Variants in POLN observed in about 807,000 individuals in gnomAD.
The protein encoded by POLN is DNA polymerase nu.
POLN carries 108 observed loss-of-function variants against 113.5 expected under a neutral mutation model. The observed-to-expected ratio is 0.95, with a 90% CI of 0.81 to 1.12. The LOEUF is 1.12. POLN is among the 50% of genes most tolerant of loss of function. The pLI is 0.00. For synonymous variants in POLN, 386 were observed against 391.5 expected, an observed-to-expected ratio of 0.99 and a Z score of 0.17; for missense variants, 1,097 against 1,077.1, an observed-to-expected ratio of 1.02 and a Z score of -0.26.
At chr4:2,146,348 A>G (rs1333328571) in intron 16 of POLN, among the ~76,000 whole-genome samples, 4 of 40,370 alleles carry the variant, frequency 9.9e-5, no homozygotes, top group Non-Finnish European at 5.1e-4. Flanking sequence ...TCTACTAAAA[A>G]TACAAAAAAA....
In POLN at chr4:2,087,453, A is replaced by G. The variant is rs1730575441; in HGVS notation, c.2066-1709T>C. ...GGCTGGCCAGATGGGACTTTCTTTG[A>G]GTATCTTCTTAGACAAGTCTTTTCT... is the stretch of plus-strand genomic sequence containing the variant. On this transcript the variant is annotated intron_variant, in intron 20 of 25. Transcript: ENST00000511885. 2.0e-5 allele frequency among the ~76,000 whole-genome samples: 3 copies of G among 152,292 alleles called. No homozygotes were observed. In the South Asian group the frequency reaches 6.2e-4, roughly 32 times the overall value.
At position 2,072,005 on chromosome 4, in the gene POLN, C is replaced by T. The variant is rs1350370678; in HGVS notation, c.*109G>A. 7.7e-7 allele frequency: 1 copy of T among 1,290,978 alleles called. No individual in the cohort carries two copies. Among genetic ancestry groups the T allele is most frequent in the East Asian group, 2.3e-5 (1 of 43,284 alleles). 80.0% of individuals were successfully genotyped at this position (1,290,978 alleles called of 1,614,324 possible). A position where few individuals can be genotyped will look rare whatever the true frequency, so the allele number is the denominator to read the frequency against. On this transcript the variant is annotated 3_prime_UTR_variant, in exon 26 of 26. Coordinates refer to ENST00000511885, the MANE Select transcript of POLN (RefSeq NM_181808.4). The stretch of plus-strand genomic sequence containing the variant: ...TACTCCAGGGGATGGCGGGCCACCC[C>T]AGCCCCAAAGGGTTAATGCGTCCTG...
intron 2 of POLN, chr4:2,232,261 T>C (rs1734609132): frequency 1.8e-6 from 1 of 544,158 alleles, no homozygotes. Flanking sequence ...AAGGACTTAA[T>C]AACTTCCCGC....
At chr4:2,173,227 T>C (rs149556373) in intron 11 of POLN, among the ~76,000 whole-genome samples, 60 of 152,314 alleles carry the variant, frequency 3.9e-4, no homozygotes, top group Middle Eastern at 3.4e-3. Context: ...AACCAGGTGA[T>C]GGTTATATTG....
At chr4:2,232,852 A>G (rs1156995236) in intron 2 of POLN, among the ~76,000 whole-genome samples, 1 of 152,182 alleles carries the variant, frequency 6.6e-6, no homozygotes, top group Non-Finnish European at 1.5e-5. Context: ...AATTTTAGCC[A>G]GTATCACCAA....
intron 16 of POLN, chr4:2,139,580 C>T (rs902867376): frequency 6.6e-5 from 10 of 152,174 alleles, no homozygotes; most frequent in Non-Finnish European, 1.0e-4. Context: ...GAGGGGATGG[C>T]TCAGTTTACT....
chr4:2,182,130 CAGTGGTTGATTG>C (rs1408287548), intron 7 of POLN, among the ~76,000 whole-genome samples: 1 of 152,118 alleles, frequency 6.6e-6, no homozygotes, highest in Non-Finnish European at 1.5e-5. Context: ...ACCCATACAT[CAGTGGTTGATTG>C]ATTTTCAACA....
At chr4:2,173,639 T>A (rs1732920544) in intron 11 of POLN, among the ~76,000 whole-genome samples, 1 of 152,148 alleles carries the variant, frequency 6.6e-6, no homozygotes, top group Non-Finnish European at 1.5e-5. Context: ...CACATCTCTG[T>A]ATTTTTGTTT....
intron 19 of POLN, among the ~76,000 whole-genome samples, chr4:2,118,163 T>C (rs1008575831): frequency 6.6e-6 from 1 of 152,206 alleles, no homozygotes; most frequent in Non-Finnish European, 1.5e-5. Context: ...CACAAACTTT[T>C]ACCCTTTTTT....
chr4:2,103,250 A>ACAAAAC (rs1730970875), intron 19 of POLN, among the ~76,000 whole-genome samples: 1 of 152,124 alleles, frequency 6.6e-6, no homozygotes, highest in Non-Finnish European at 1.5e-5. Flanking sequence ...ATCTCTAGAA[A>ACAAAAC]CAAAACCAAA....
In POLN at chr4:2,127,397, C is replaced by T. The variant is rs1731610744; in HGVS notation, c.1982+716G>A. Among the ~76,000 whole-genome samples the T allele has an allele frequency of 6.6e-6, 1 of 152,174 alleles. No homozygotes were observed. The highest frequency in any genetic ancestry group is 1.5e-5 in the Non-Finnish European group (1 of 68,038). ...TTTCTGGAGTATAATCTCTCCACCT[C>T]CCTTGCAGCTGGTGCAGCTGCATGA... On this transcript the variant is annotated intron_variant, in intron 19 of 25. Transcript: ENST00000511885. The surrounding 1 kb of genome is among the most constrained non-coding windows in gnomAD (Gnocchi z 4.7).
chr4:2,134,443 T>C (rs1731802694), intron 16 of POLN, among the ~76,000 whole-genome samples: 1 of 152,240 alleles, frequency 6.6e-6, no homozygotes, highest in Non-Finnish European at 1.5e-5. Context: ...GAAAAGTGGC[T>C]GTACCATTTT....
intron 24 of POLN, among the ~76,000 whole-genome samples, chr4:2,073,912 C>T (rs1305627908): frequency 6.6e-6 from 1 of 152,238 alleles, no homozygotes; most frequent in Non-Finnish European, 1.5e-5. Context: ...CGGTCACCGT[C>T]TGCAGGGAGC....
chr4:2,237,451 G>C (rs1259970041), intron 2 of POLN, among the ~76,000 whole-genome samples: 1 of 151,544 alleles, frequency 6.6e-6, no homozygotes, highest in African/African-American at 2.4e-5. Flanking sequence ...GAAAGAAAGG[G>C]AAGGAAAGGA....
At chr4:2,085,528 C>G in intron 21 of POLN, 85 bp downstream of exon 21, 2 of 1,571,860 alleles carry the variant, frequency 1.3e-6, no homozygotes, top group East Asian at 2.2e-5. Flanking sequence ...CCAGGGCCCG[C>G]CTGCACACCA....
chr4:2,232,189 A>G (rs1560102521), intron 2 of POLN: 4 of 1,047,438 alleles, frequency 3.8e-6, no homozygotes, highest in Non-Finnish European at 5.5e-6. Context: ...AATAAAAATT[A>G]AAACACTTTA....
chr4:2,198,834 AAT>A, intron 5 of POLN, 117 bp from the exon 6 acceptor site: 3 of 1,025,222 alleles, frequency 2.9e-6, no homozygotes, highest in Non-Finnish European at 4.1e-6. Context: ...CTTGTAAATG[AAT>A]AGTTTTTTAA....
chr4:2,120,494 G>C (rs914117421), intron 19 of POLN, among the ~76,000 whole-genome samples: 17 of 151,946 alleles, frequency 1.1e-4, no homozygotes, highest in African/African-American at 4.1e-4. Context: ...ATTATCTATA[G>C]AGTGATTTTT....
chr4:2,098,521 T>C (rs1439595024), intron 19 of POLN, among the ~76,000 whole-genome samples: 1 of 152,238 alleles, frequency 6.6e-6, no homozygotes, highest in Non-Finnish European at 1.5e-5. Context: ...AAGTTTAGAT[T>C]GATGCCAGGT....
Sources: gnomAD v4.1 joint callset for allele counts (sites outside exome capture counted in the v4.1 genomes callset) on GRCh38, gnomAD v4.1.1 for gene constraint, Gnocchi (gnomAD v3.1) non-coding constraint, MANE v1.5 for transcripts, NCBI Gene and HGNC (gene_info 2026-07-23, HGNC 2026-07-21) for gene names.